LYPLAL1: variants seen among roughly 807,000 people sequenced by gnomAD.
LYPLAL1 encodes lysophospholipase-like protein 1.
Under a neutral mutation model 19.7 loss-of-function variants are expected in LYPLAL1, and 23 were observed. That is an observed-to-expected ratio of 1.17 (90% CI 0.84 to 1.65). The LOEUF (loss-of-function observed/expected upper bound fraction) is 1.65, where lower values mean the gene tolerates loss of function less well. Among genes scored for constraint, LYPLAL1 ranks in the 40% most tolerant of loss-of-function variants. The pLI, the probability that LYPLAL1 is intolerant of heterozygous loss-of-function variation, is 0.00. For synonymous variants in LYPLAL1, 119 were observed against 96.3 expected (o/e 1.24, Z -1.38); for missense variants, 355 against 279.4 (o/e 1.27, Z -1.93).
the LYPLAL1 span, among the ~76,000 whole-genome samples, chr1:219,440,039 A>ATATG: frequency 6.8e-6 from 1 of 146,622 alleles, no homozygotes; most frequent in East Asian, 2.0e-4. Flanking sequence ...ATATATATAT[A>ATATG]CACTCAGTGG....
chr1:219,359,140 G>T, the LYPLAL1 span, among the ~76,000 whole-genome samples: 2 of 151,982 alleles, frequency 1.3e-5, no homozygotes, highest in African/African-American at 2.4e-5. Context: ...CAAATTCCTG[G>T]CAATTAAAAT....
intron 3 of LYPLAL1, among the ~76,000 whole-genome samples, chr1:219,205,826 T>G (rs1658530506): frequency 6.6e-6 from 1 of 152,192 alleles, no homozygotes. Context: ...TAATTAAACA[T>G]TTTATGTTTC....
the LYPLAL1 span, among the ~76,000 whole-genome samples, chr1:219,275,393 G>A: frequency 5.3e-5 from 8 of 152,046 alleles, no homozygotes; most frequent in Non-Finnish European, 8.8e-5. Context: ...AATCTTGTAT[G>A]GTGTAGACAT....
At chr1:219,380,892 T>C in the LYPLAL1 span, among the ~76,000 whole-genome samples, 1 of 152,174 alleles carries the variant, frequency 6.6e-6, no homozygotes, top group Non-Finnish European at 1.5e-5. Flanking sequence ...TAAAATTGTA[T>C]TTATGCAAAA....
At chr1:219,274,417 G>C in the LYPLAL1 span, among the ~76,000 whole-genome samples, 1 of 152,042 alleles carries the variant, frequency 6.6e-6, no homozygotes, top group Admixed American at 6.5e-5. Context: ...ATGGAGTCTT[G>C]CTCTGTCTCC....
chr1:219,196,913 A>G (rs1657651011), intron 3 of LYPLAL1, among the ~76,000 whole-genome samples: 1 of 152,154 alleles, frequency 6.6e-6, no homozygotes, highest in Admixed American at 6.5e-5. Context: ...CTACAAAGAG[A>G]ATAAAATACT....
At chr1:219,374,136 ATTT>A in the LYPLAL1 span, among the ~76,000 whole-genome samples, 4 of 136,368 alleles carry the variant, frequency 2.9e-5, no homozygotes, top group Non-Finnish European at 6.3e-5. Context: ...TTTTGTGTGG[ATTT>A]TTTTTTTTTT....
At chr1:219,336,252 T>A in the LYPLAL1 span, among the ~76,000 whole-genome samples, 1 of 151,690 alleles carries the variant, frequency 6.6e-6, no homozygotes, top group African/African-American at 2.4e-5. Context: ...CAAAATTGAG[T>A]TGTTGCAAAA....
chr1:219,325,143 G>T, the LYPLAL1 span, among the ~76,000 whole-genome samples: 1 of 152,146 alleles, frequency 6.6e-6, no homozygotes, highest in Admixed American at 6.5e-5. Context: ...CGAGCAGTGG[G>T]TCAGGCCAGA....
rs1221828902 is a variant in LYPLAL1 at position 219,209,664 on chromosome 1, T to C, written c.362-868T>C. ...ATGATTTACATTCTGTATTTTCTCA[T>C]GGAATATAATGAGATGTCATTTAGC... On this transcript the variant is annotated intron_variant, in intron 3 of 4. Transcript: ENST00000366928. Among the ~76,000 whole-genome samples the C allele has an allele frequency of 3.3e-5, 5 of 152,146 alleles. No individual in the cohort carries two copies. In the East Asian group the frequency reaches 7.7e-4, roughly 23 times the overall value.
At chr1:219,329,526 A>G in the LYPLAL1 span, among the ~76,000 whole-genome samples, 3 of 152,164 alleles carry the variant, frequency 2.0e-5, no homozygotes, top group African/African-American at 7.2e-5. Context: ...AAAATTTTAG[A>G]TGTGGACAAA....
At chr1:219,205,377 A>C (rs1255387030) in intron 3 of LYPLAL1, among the ~76,000 whole-genome samples, 3 of 151,422 alleles carry the variant, frequency 2.0e-5, no homozygotes, top group African/African-American at 7.3e-5. Flanking sequence ...AAAAAAAAAA[A>C]ACAAAAAAAA....
chr1:219,371,533 A>G, the LYPLAL1 span, among the ~76,000 whole-genome samples: 2 of 152,208 alleles, frequency 1.3e-5, no homozygotes. Context: ...AGTTCACCTA[A>G]GGCTACCTCC....
the LYPLAL1 span, among the ~76,000 whole-genome samples, chr1:219,302,929 T>C: frequency 1.3e-5 from 2 of 152,202 alleles, no homozygotes; most frequent in African/African-American, 2.4e-5. Flanking sequence ...GAGATCTTTC[T>C]TGATATGCTG....
the LYPLAL1 span, among the ~76,000 whole-genome samples, chr1:219,283,784 G>A: frequency 1.5e-4 from 23 of 152,128 alleles, no homozygotes; most frequent in Admixed American, 1.4e-3. Flanking sequence ...GTGATCTGTG[G>A]GTAGAGACTT....
the LYPLAL1 span, among the ~76,000 whole-genome samples, chr1:219,306,998 A>G: frequency 1.3e-5 from 2 of 149,962 alleles, no homozygotes; most frequent in Admixed American, 6.7e-5. Context: ...GGCCACATGT[A>G]TTCCAAATGA....
At chr1:219,342,379 C>G in the LYPLAL1 span, among the ~76,000 whole-genome samples, 1 of 152,104 alleles carries the variant, frequency 6.6e-6, no homozygotes, top group Non-Finnish European at 1.5e-5. Context: ...CCCCTTAGCT[C>G]AAGGTTTCTC....
the LYPLAL1 span, among the ~76,000 whole-genome samples, chr1:219,353,267 A>G: frequency 6.6e-6 from 1 of 152,354 alleles, no homozygotes; most frequent in East Asian, 1.9e-4. Context: ...GAATTTGTGA[A>G]GCACAATACC....
the LYPLAL1 span, among the ~76,000 whole-genome samples, chr1:219,259,874 T>C: frequency 2.6e-5 from 4 of 152,012 alleles, no homozygotes; most frequent in Admixed American, 1.3e-4. Flanking sequence ...ATGCATTTTA[T>C]TTAAAAATTG....
Sources: gnomAD v4.1 joint callset for allele counts (sites outside exome capture counted in the v4.1 genomes callset) on GRCh38, gnomAD v4.1.1 for gene constraint, MANE v1.5 for transcripts, NCBI Gene and HGNC (gene_info 2026-07-23, HGNC 2026-07-21) for gene names.